Variants in SLC1A2 observed in about 807,000 individuals in gnomAD.
SLC1A2 encodes the protein excitatory amino acid transporter 2.
A neutral mutation model predicts 48.8 loss-of-function variants in SLC1A2; 15 were observed. The ratio of observed to expected loss-of-function variants is 0.31; its 90% CI spans 0.21 to 0.47. SLC1A2 has a LOEUF of 0.47. Ranked by LOEUF, SLC1A2 falls within the 20% of genes least tolerant of loss-of-function variation. SLC1A2 has a pLI of 0.99. For missense variants in SLC1A2, 502 were observed against 730.5 expected (o/e 0.69, Z 3.61); for synonymous variants, 279 against 272.6 (o/e 1.02, Z -0.23).
At chr11:35,269,326 C>A (rs1044786282) in intron 9 of SLC1A2, among the ~76,000 whole-genome samples, 5 of 152,140 alleles carry the variant, frequency 3.3e-5, no homozygotes, top group African/African-American at 1.2e-4. Context: ...TTATAGCAGT[C>A]TGAATGGACT....
At chr11:35,360,251 A>T (rs1211524579) in intron 1 of SLC1A2, 2 of 171,006 alleles carry the variant, frequency 1.2e-5, no homozygotes, top group African/African-American at 4.8e-5. Flanking sequence ...GTTTGTTTGG[A>T]CATTGTGTAA....
At chr11:35,301,334 A>G (rs1350834598) in intron 6 of SLC1A2, among the ~76,000 whole-genome samples, 185 bp downstream of exon 6, 2 of 152,204 alleles carry the variant, frequency 1.3e-5, no homozygotes, top group Non-Finnish European at 2.9e-5. Context: ...AAGGGGCATA[A>G]TTTGTCTACA....
intron 1 of SLC1A2, among the ~76,000 whole-genome samples, chr11:35,361,329 T>C (rs1378087883): frequency 1.3e-5 from 2 of 152,226 alleles, no homozygotes; most frequent in Non-Finnish European, 2.9e-5. Flanking sequence ...TACCCAAAGT[T>C]ACCCAGAACA....
chr11:35,386,973 T>C (rs1323552559), intron 1 of SLC1A2, among the ~76,000 whole-genome samples: 1 of 152,338 alleles, frequency 6.6e-6, no homozygotes, highest in East Asian at 1.9e-4. Flanking sequence ...TCTTGCTATG[T>C]TGCCCAGGCT....
chr11:35,374,596 G>A (rs752649953), intron 1 of SLC1A2: 1 of 172,050 alleles, frequency 5.8e-6, no homozygotes, highest in South Asian at 1.4e-4. Flanking sequence ...AAAAGGGTTT[G>A]TGTATAGTTT....
At chr11:35,281,782 C>T (rs930450640) in intron 8 of SLC1A2, 2 of 151,954 alleles carry the variant, frequency 1.3e-5, no homozygotes, top group African/African-American at 4.8e-5. Context: ...TGTGGTCTGG[C>T]AAAGGGCAGT....
At chr11:35,319,811 G>T (rs1379887489) in intron 1 of SLC1A2, among the ~76,000 whole-genome samples, 1 of 152,174 alleles carries the variant, frequency 6.6e-6, no homozygotes, top group Non-Finnish European at 1.5e-5. Flanking sequence ...CATCAAAGTG[G>T]CTACATCAAA....
chr11:35,293,943 C>A (rs1222579044), intron 6 of SLC1A2, among the ~76,000 whole-genome samples: 1 of 152,170 alleles, frequency 6.6e-6, no homozygotes, highest in African/African-American at 2.4e-5. Context: ...CTCAGAGCGG[C>A]TAACTCCAAC....
At position 35,376,826 on chromosome 11, in the gene SLC1A2, T is replaced by TC. The variant is rs980771349; in HGVS notation, c.17+42123dup. Among the ~76,000 whole-genome samples the TC allele has an allele frequency of 6.4e-4, 97 of 152,178 alleles. 2 individuals carry two copies. Among genetic ancestry groups the TC allele is most frequent in the Non-Finnish European group, 5.6e-4 (38 of 68,042 alleles). ...TGCTTCAAGATATGAATCTATCATC[T>TC]CCCCCTCTCTTTGACTCATATCCTC... On this transcript the variant is annotated intron_variant, in intron 1 of 10. Transcript: ENST00000278379.
In SLC1A2 at chr11:35,286,949, G is replaced by A. The variant is rs1850841141; in HGVS notation, c.1094C>T (p.Ala365Val). ...ACGAAAGGTGACAGGCAAAGTTCCA[G>A]CACTGAGAACAAAGAGAAAGAGAGA... is the stretch of plus-strand genomic sequence containing the variant. ...WITALGTASS[A>V]GTLPVTFRCL... Residue 365 changes from alanine (A) to valine (V), a missense_variant and splice_region_variant, in exon 8 of 11, where the codon GCT becomes GTT. This residue lies in a region of SLC1A2 where 309 missense variants were observed against 480.3 expected (regional missense o/e 0.64). Transcript: ENST00000278379. 1 of 1,613,306 alleles carries A rather than the reference G, an allele frequency of 6.2e-7. No homozygotes were observed. The highest frequency in any genetic ancestry group is 1.7e-5 in the Admixed American group (1 of 59,982).
At chr11:35,263,747 TATC>T (rs1950434300) in intron 10 of SLC1A2, among the ~76,000 whole-genome samples, 1 of 152,248 alleles carries the variant, frequency 6.6e-6, no homozygotes, top group Admixed American at 6.5e-5. Flanking sequence ...GTTCAAGTCT[TATC>T]ATCATTACAA....
intron 1 of SLC1A2, among the ~76,000 whole-genome samples, chr11:35,408,972 T>C (rs888523045): frequency 6.6e-6 from 1 of 152,240 alleles, no homozygotes; most frequent in African/African-American, 2.4e-5. Flanking sequence ...CTACCTTCTG[T>C]TGCTCTACAA....
chr11:35,305,991 A>T, intron 5 of SLC1A2, 83 bp downstream of exon 5: 4 of 1,283,772 alleles, frequency 3.1e-6, no homozygotes, highest in Non-Finnish European at 4.4e-6. Context: ...AGGACAGCTG[A>T]GTCATCAGTT....
chr11:35,359,973 G>A, intron 1 of SLC1A2: 1 of 376,818 alleles, frequency 2.7e-6, no homozygotes, highest in Non-Finnish European at 3.7e-6. Context: ...CCCTCTCCAG[G>A]AATGCAAACT....
intron 1 of SLC1A2, among the ~76,000 whole-genome samples, chr11:35,338,351 G>T (rs1005938295): frequency 6.6e-6 from 1 of 151,916 alleles, no homozygotes; most frequent in African/African-American, 2.4e-5. Context: ...TACTCTTTTG[G>T]TTCTATCCTC....
intron 1 of SLC1A2, among the ~76,000 whole-genome samples, chr11:35,389,604 G>A (rs1458504231): frequency 6.6e-6 from 1 of 151,986 alleles, no homozygotes; most frequent in Non-Finnish European, 1.5e-5. Flanking sequence ...CGGAGTAGCT[G>A]GGATTACAGG....
chr11:35,391,365 T>A (rs2135240579), intron 1 of SLC1A2: 1 of 152,370 alleles, frequency 6.6e-6, no homozygotes, highest in East Asian at 1.9e-4. Flanking sequence ...GAGAGTTTTA[T>A]GACCCTGTTT....
chr11:35,382,607 C>T (rs979926045), intron 1 of SLC1A2, among the ~76,000 whole-genome samples: 6 of 152,188 alleles, frequency 3.9e-5, no homozygotes, highest in African/African-American at 1.4e-4. Context: ...CCCAGCCTGG[C>T]CAACATGGTG....
intron 1 of SLC1A2, among the ~76,000 whole-genome samples, chr11:35,319,558 T>A (rs1851994324): frequency 6.6e-6 from 1 of 152,142 alleles, no homozygotes; most frequent in South Asian, 2.1e-4. Flanking sequence ...CAAGTAAAAC[T>A]AGGAAGTATT....
Sources: gnomAD v4.1 joint callset for allele counts (sites outside exome capture counted in the v4.1 genomes callset) on GRCh38, gnomAD v4.1.1 for gene constraint, gnomAD v4.1.1 regional missense constraint, MANE v1.5 for transcripts, NCBI Gene and HGNC (gene_info 2026-07-23, HGNC 2026-07-21) for gene names.